The following CHD3 variants were observed in gnomAD, a reference collection of about 807,000 sequenced individuals.
CHD3 encodes ATP-dependent chromatin remodeler CHD3.
CHD3 carries 52 observed loss-of-function variants against 248.9 expected under a neutral mutation model. The observed-to-expected ratio is 0.21, with a 90% CI of 0.17 to 0.26. The LOEUF (loss-of-function observed/expected upper bound fraction) is 0.26, where lower values mean the gene tolerates loss of function less well. Ranked by LOEUF, CHD3 falls within the 10% of genes least tolerant of loss-of-function variation. CHD3 has a pLI of 1.00. For synonymous variants in CHD3, 985 were observed against 985.2 expected (o/e 1.00, Z 0.00); for missense variants, 1,482 against 2,605.8 (o/e 0.57, Z 9.39).
Position 7,909,687 on chromosome 17 carries a change from T to G in CHD3, c.5590+349T>G. On this transcript the variant is annotated intron_variant, in intron 37 of 39. Transcript: ENST00000330494. This position sits in a 1 kb window ranked among gnomAD's most constrained non-coding sequence, Gnocchi z 8.1. ...CCAGTTAGGGGCCTTGGACTGTGAA[T>G]GCACCATACAGATCCCTGGCTGTGA... The G allele has an allele frequency of 3.1e-6, 1 of 320,536 alleles. No homozygotes were observed. Among genetic ancestry groups the G allele is most frequent in the Non-Finnish European group, 5.8e-6 (1 of 172,698 alleles). The allele number at this position is 320,536 out of a possible 1,614,324, so 19.9% of individuals were successfully genotyped here.
Position 7,906,649 on chromosome 17 carries a change from C to T in CHD3, c.4455C>T (p.Arg1485=). Residue 1485 remains arginine, a synonymous_variant, in exon 29 of 40, where the codon CGC becomes CGT. Transcript: ENST00000330494. This position sits in a 1 kb window ranked among gnomAD's most constrained non-coding sequence, Gnocchi z 5.0. ...GGGTCCCTCGGGAGGGACTGAGTCG[C>T]CAGCAGGTGTTGACCCGCATTGGAG... ...ADGVPREGLS[R]QQVLTRIGVM... 1 of 1,613,360 alleles carries T rather than the reference C, an allele frequency of 6.2e-7. No individual in the cohort carries two copies. The highest frequency in any genetic ancestry group is 8.5e-7 in the Non-Finnish European group (1 of 1,179,734).
chr17:7,899,627 C>A lies in CHD3; in HGVS notation c.2544+84C>A. 7.3e-7 allele frequency: 1 copy of A among 1,372,236 alleles called. No individual in the cohort carries two copies. The highest frequency in any genetic ancestry group is 1.0e-6 in the Non-Finnish European group (1 of 981,742). 85.0% of individuals were successfully genotyped at this position (1,372,236 alleles called of 1,614,324 possible). A position where few individuals can be genotyped will look rare whatever the true frequency, so the allele number is the denominator to read the frequency against. On this transcript the variant is annotated intron_variant, in intron 15 of 39. Transcript: ENST00000330494. The surrounding 1 kb of genome is among the most constrained non-coding windows in gnomAD (Gnocchi z 6.8). ...GCCAGGAATTCAGTTTCTCTATTCC[C>A]CTCCTCACCTTTCTCCTCTTCCTCC...
At chr17:7,894,342 T>C (rs1969345185) in intron 7 of CHD3, 73 bp from the exon 8 acceptor site, 1 of 1,590,128 alleles carries the variant, frequency 6.3e-7, no homozygotes, top group African/African-American at 1.3e-5. Context: ...ACTTCTCTCT[T>C]CAACCCTTCT....
intron 10 of CHD3, among the ~76,000 whole-genome samples, chr17:7,896,808 G>A (rs1597953767): frequency 6.6e-6 from 1 of 151,912 alleles, no homozygotes; most frequent in African/African-American, 2.4e-5. Flanking sequence ...ACAGGCGTGC[G>A]CCACCACACC....
Position 7,898,573 on chromosome 17 carries a change from C to T in CHD3, c.2129C>T (p.Pro710Leu), listed in dbSNP as rs1481868087. The change falls in exon 13 of 40, where the codon CCT becomes CTT. Residue 710 changes from proline (P) to leucine (L), a missense_variant. Coordinates refer to ENST00000330494, the MANE Select transcript of CHD3 (RefSeq NM_001005273.3). ...KKKKELQGDGPPSSPTNDPTV... is the reference protein window; with the variant it reads ...KKKKELQGDGLPSSPTNDPTV... The stretch of plus-strand genomic sequence containing the variant: ...AAGAAGGAGCTACAGGGTGATGGGC[C>T]TCCCAGTTCTCCCACTAATGATGTG... The T allele has an allele frequency of 6.2e-7, 1 of 1,613,458 alleles. No individual in the cohort carries two copies. The highest frequency in any genetic ancestry group is 1.3e-5 in the African/African-American group (1 of 75,002).
Position 7,901,386 on chromosome 17 carries a change from C to G in CHD3, c.3252+11C>G. ...CTCATCTTCTCGCAGGTGACCTGTG[C>G]CCTTAGCTGTCTTTACATCTGCTTC... On this transcript the variant is annotated intron_variant, in intron 20 of 39. Transcript: ENST00000330494. 6.3e-7 allele frequency: 1 copy of G among 1,583,216 alleles called. No homozygotes were observed. The highest frequency in any genetic ancestry group is 8.6e-7 in the Non-Finnish European group (1 of 1,161,774).
At chr17:7,887,534 A>C (rs933119936), upstream of CHD3, among the ~76,000 whole-genome samples, 1 of 152,158 alleles carries the variant, frequency 6.6e-6, no homozygotes, top group East Asian at 1.9e-4. Context: ...AGGTCTGAAA[A>C]TACAAACCCA....
At position 7,901,011 on chromosome 17, in the gene CHD3, G is replaced by A. The variant is rs1970228883; in HGVS notation, c.3120+18G>A. 4 of 1,607,224 alleles carry A rather than the reference G, an allele frequency of 2.5e-6. No homozygotes were observed. In the Admixed American group the frequency reaches 6.7e-5, roughly 27 times the overall value. Reference sequence around the variant, plus strand: ...CTGCTATGGTAGATACACAGAGCAGGGAGCTGATCGAACGCCCATTCTCAG... The same window carrying A: ...CTGCTATGGTAGATACACAGAGCAGAGAGCTGATCGAACGCCCATTCTCAG... On this transcript the variant is annotated intron_variant, in intron 19 of 39. Transcript: ENST00000330494.
chr17:7,894,743 A>G lies in CHD3; in HGVS notation c.1269+135A>G, dbSNP rs140885794. The G allele has an allele frequency of 1.7e-3, 2,261 of 1,333,186 alleles. 2 individuals carry two copies. The highest frequency in any genetic ancestry group is 2.2e-3 in the Non-Finnish European group (2,116 of 966,238). 82.6% of individuals were successfully genotyped at this position (1,333,186 alleles called of 1,614,324 possible). A position where few individuals can be genotyped will look rare whatever the true frequency, so the allele number is the denominator to read the frequency against. On this transcript the variant is annotated intron_variant, in intron 8 of 39. Coordinates refer to ENST00000330494, the MANE Select transcript of CHD3 (RefSeq NM_001005273.3). ...CAGATGTCCGAGTGTCTAGGATCCT[A>G]ATGTATTCCTTTCTCCCACAATCAA... is the stretch of plus-strand genomic sequence containing the variant.
chr17:7,903,795 A>T lies in CHD3; in HGVS notation c.3728-30A>T. On this transcript the variant is annotated intron_variant, in intron 23 of 39. Coordinates refer to ENST00000330494, the MANE Select transcript of CHD3 (RefSeq NM_001005273.3). The surrounding 1 kb of genome is among the most constrained non-coding windows in gnomAD (Gnocchi z 6.8). ...TCAGCCTTTCTAAACTTTGGAACCC[A>T]AAGTTCCCGTTTGTTTTCCCTCTCA... 1 of 1,609,784 alleles carries T rather than the reference A, an allele frequency of 6.2e-7. No individual in the cohort carries two copies. Among genetic ancestry groups the T allele is most frequent in the Non-Finnish European group, 8.5e-7 (1 of 1,176,534 alleles).
In CHD3 at chr17:7,905,080, G is replaced by C. The variant is rs752411930; in HGVS notation, c.4073-20G>C. 2 of 1,613,376 alleles carry C rather than the reference G, an allele frequency of 1.2e-6. No homozygotes were observed. The highest frequency in any genetic ancestry group is 3.3e-5 in the Admixed American group (2 of 60,018). On this transcript the variant is annotated intron_variant, in intron 25 of 39. Transcript: ENST00000330494. This position sits in a 1 kb window ranked among gnomAD's most constrained non-coding sequence, Gnocchi z 5.8. ...TCCCGAGAGCCCTCCCTGACCACTG[G>C]GCCCTTTCCACCCCCACAGACAACC...
rs1385511980 is a variant in CHD3, at chr17:7,910,362, C to T, written c.5591-66C>T. The T allele has an allele frequency of 6.2e-7, 1 of 1,603,384 alleles. No individual in the cohort carries two copies. The highest frequency in any genetic ancestry group is 1.1e-5 in the South Asian group (1 of 90,872). The stretch of plus-strand genomic sequence containing the variant: ...TCTGTCCATCTGATGCCTCTCTTTT[C>T]CTGGCTCCATCTCTGTATTTCCCTG... On this transcript the variant is annotated intron_variant, in intron 37 of 39. Coordinates refer to ENST00000330494, the MANE Select transcript of CHD3 (RefSeq NM_001005273.3). This position sits in a 1 kb window ranked among gnomAD's most constrained non-coding sequence, Gnocchi z 4.7.
upstream of CHD3, among the ~76,000 whole-genome samples, chr17:7,886,142 G>T (rs901313644): frequency 6.6e-6 from 1 of 152,174 alleles, no homozygotes; most frequent in Non-Finnish European, 1.5e-5. The surrounding 1 kb of genome is among the most constrained non-coding windows in gnomAD (Gnocchi z 4.2). Context: ...GAGCACGTTG[G>T]GGGGCGTGAA....
At position 7,899,867 on chromosome 17, in the gene CHD3, A is replaced by ATTATT. The variant is rs1225758856; in HGVS notation, c.2545-29_2545-28insTTATT. ...TGTAGGTGCATGGTTGTCAGGTGGCAGCTGAATGGGCAATAATTATGTTGG... is the reference window on the plus strand; with the variant it reads ...TGTAGGTGCATGGTTGTCAGGTGGCATTATTGCTGAATGGGCAATAATTATGTTGG... On this transcript the variant is annotated intron_variant, in intron 15 of 39. Transcript: ENST00000330494. The surrounding 1 kb of genome is among the most constrained non-coding windows in gnomAD (Gnocchi z 6.8). The ATTATT allele has an allele frequency of 1.2e-6, 2 of 1,606,140 alleles. No homozygotes were observed. Among genetic ancestry groups the ATTATT allele is most frequent in the Non-Finnish European group, 1.7e-6 (2 of 1,174,816 alleles).
At position 7,910,015 on chromosome 17, in the gene CHD3, CACTT is replaced by C. The variant is rs1248470721; in HGVS notation, c.5591-410_5591-407del. Reference sequence around the variant, plus strand: ...AAACCGTGATTCCTTAAAGCTTTGACACTTACCACCTCCCATGCCTCCTGACTAT... The same window carrying C: ...AAACCGTGATTCCTTAAAGCTTTGACACCACCTCCCATGCCTCCTGACTAT... On this transcript the variant is annotated intron_variant, in intron 37 of 39. Transcript: ENST00000330494. The surrounding 1 kb of genome is among the most constrained non-coding windows in gnomAD (Gnocchi z 4.7). The C allele has an allele frequency of 6.8e-6, 2 of 293,992 alleles. No homozygotes were observed. Among genetic ancestry groups the C allele is most frequent in the Non-Finnish European group, 1.3e-5 (2 of 152,434 alleles). The allele number at this position is 293,992 out of a possible 1,614,324, so 18.2% of individuals were successfully genotyped here.
chr17:7,898,458 C>A (rs58909711), intron 12 of CHD3, 38 bp from the exon 13 acceptor site: 1 of 1,475,048 alleles, frequency 6.8e-7, no homozygotes, highest in East Asian at 2.3e-5. Context: ...GTAGGACTCC[C>A]AAGGATGAGG....
chr17:7,897,234 A>G lies in CHD3; in HGVS notation c.1859A>G (p.Lys620Arg). 2 of 1,614,194 alleles carry G rather than the reference A, an allele frequency of 1.2e-6. No individual in the cohort carries two copies. Among genetic ancestry groups the G allele is most frequent in the South Asian group, 2.2e-5 (2 of 91,082 alleles). ...CCGCACTATGCTGAGATGGAGGAGAAGTACTATCGTTTTGGCATCAAGCCA... is the reference window on the plus strand; with the variant it reads ...CCGCACTATGCTGAGATGGAGGAGAGGTACTATCGTTTTGGCATCAAGCCA... ...KDPHYAEMEE[K>R]YYRFGIKPEW... The change falls in exon 11 of 40, where the codon AAG becomes AGG. Residue 620 changes from lysine to arginine, a missense_variant. Physicochemically the swap from Lys to Arg is conservative, Grantham distance 26 (BLOSUM62 2). Transcript: ENST00000330494. The surrounding 1 kb of genome is among the most constrained non-coding windows in gnomAD (Gnocchi z 4.8).
In CHD3 at chr17:7,898,532, C is replaced by T. The variant is rs1290772343; in HGVS notation, c.2088C>T (p.Arg696=). Reference sequence around the variant, plus strand: ...TGGGGGAAGACCCTGCCCAGCCCCGCAAGTATAAGAAGAAGAAGAAGGAGC... The same window carrying T: ...TGGGGGAAGACCCTGCCCAGCCCCGTAAGTATAAGAAGAAGAAGAAGGAGC... ...LIMGEDPAQP[R]KYKKKKKELQ... Residue 696 remains arginine, a synonymous_variant, in exon 13 of 40, where the codon CGC becomes CGT. Transcript: ENST00000330494. The T allele has an allele frequency of 1.9e-6, 3 of 1,614,040 alleles. No individual in the cohort carries two copies. The highest frequency in any genetic ancestry group is 2.5e-6 in the Non-Finnish European group (3 of 1,179,960).
chr17:7,910,099 G>T lies in CHD3; in HGVS notation c.5591-329G>T. 1 of 393,398 alleles carries T rather than the reference G, an allele frequency of 2.5e-6. No homozygotes were observed. The highest frequency in any genetic ancestry group is 2.4e-5 in the South Asian group (1 of 41,388). The allele number at this position is 393,398 out of a possible 1,614,324, so 24.4% of individuals were successfully genotyped here. On this transcript the variant is annotated intron_variant, in intron 37 of 39. Transcript: ENST00000330494. This position sits in a 1 kb window ranked among gnomAD's most constrained non-coding sequence, Gnocchi z 4.7. Reference sequence around the variant, plus strand: ...TTGCTCTTCCAGTATGAGATGTTCTGACAACTCCCCGCCCCCATGTCTTCC... The same window carrying T: ...TTGCTCTTCCAGTATGAGATGTTCTTACAACTCCCCGCCCCCATGTCTTCC...
Sources: gnomAD v4.1 joint callset for allele counts (sites outside exome capture counted in the v4.1 genomes callset) on GRCh38, gnomAD v4.1.1 for gene constraint, Gnocchi (gnomAD v3.1) non-coding constraint, MANE v1.5 for transcripts, NCBI Gene and HGNC (gene_info 2026-07-23, HGNC 2026-07-21) for gene names.